The following MFSD12 variants were observed in gnomAD, a reference collection of about 807,000 sequenced individuals.
MFSD12 encodes major facilitator superfamily domain containing 12, also known as major facilitator superfamily domain-containing protein 12.
MFSD12 carries 67 observed loss-of-function variants against 51.2 expected under a neutral mutation model. That is an observed-to-expected ratio of 1.31 (90% CI 1.08 to 1.60). MFSD12 has a LOEUF of 1.60. Ranked by LOEUF, MFSD12 falls within the 40% of genes most tolerant of loss-of-function variation. The pLI is 0.00. For missense variants in MFSD12, 921 were observed against 673.0 expected (o/e 1.37, Z -4.08); for synonymous variants, 441 against 316.7 (o/e 1.39, Z -4.17).
rs137947837 is a variant in MFSD12, at chr19:3,547,205, G to A, written c.1023+67C>T. On this transcript the variant is annotated intron_variant, in intron 6 of 9. Transcript: ENST00000355415. ...AGCATCCGAGGATGGAACCCGGAGC[G>A]GGTGGGATCTCGGCTGCAGGGCACC... 7,543 of 1,376,152 alleles carry A rather than the reference G, an allele frequency of 5.5e-3. 28 individuals are homozygous for A. The highest frequency in any genetic ancestry group is 6.1e-3 in the Non-Finnish European group (5,867 of 966,098). The allele number at this position is 1,376,152 out of a possible 1,614,324, so 85.2% of individuals were successfully genotyped here.
chr19:3,557,113 G>A lies in MFSD12; in HGVS notation c.291C>T (p.His97=). The change falls in exon 1 of 10, where the codon CAC becomes CAT. Residue 97 remains histidine, a synonymous_variant. Transcript: ENST00000355415. ...CARYGPRKAW[H]LVGTVCVLLS... is the part of the protein sequence containing the mutation. ...CGGGGCCGGGACGCTTACCGACCAGGTGCCAGGCCTTGCGCGGGCCGTAGC... is the reference window on the plus strand; with the variant it reads ...CGGGGCCGGGACGCTTACCGACCAGATGCCAGGCCTTGCGCGGGCCGTAGC... 2 of 1,489,748 alleles carry A rather than the reference G, an allele frequency of 1.3e-6. No individual in the cohort carries two copies. Among genetic ancestry groups the A allele is most frequent in the Non-Finnish European group, 1.8e-6 (2 of 1,124,706 alleles). The allele number at this position is 1,489,748 out of a possible 1,614,324, so 92.3% of individuals were successfully genotyped here.
chr19:3,540,089 C>CTTTTTTTTTTTTTTT (rs770199097), downstream of MFSD12: 15 of 88,188 alleles, frequency 1.7e-4, no homozygotes, highest in African/African-American at 5.8e-4. Context: ...CATCTCTTTT[C>CTTTTTTTTTTTTTTT]TTTTTTTTTT....
chr19:3,555,942 G>A (rs1162738310), intron 1 of MFSD12, among the ~76,000 whole-genome samples: 2 of 152,182 alleles, frequency 1.3e-5, no homozygotes, highest in Admixed American at 6.5e-5. Context: ...CAGTCTTATC[G>A]ATGGGCACTG....
intron 4 of MFSD12, 71 bp downstream of exon 4, chr19:3,547,777 T>G: frequency 6.9e-7 from 1 of 1,439,756 alleles, no homozygotes; most frequent in South Asian, 1.5e-5. Context: ...TGGACGCAGC[T>G]GCCCCACAGA....
chr19:3,542,937 G>T (rs1568249416), downstream of MFSD12: 1 of 1,479,406 alleles, frequency 6.8e-7, no homozygotes, highest in Non-Finnish European at 9.1e-7. Flanking sequence ...AGTAGCCAGG[G>T]CCCTTGTCCT....
chr19:3,555,150 TGTGTCTGGA>T (rs1963901148), intron 1 of MFSD12, among the ~76,000 whole-genome samples: 1 of 152,202 alleles, frequency 6.6e-6, no homozygotes, highest in Admixed American at 6.5e-5. Context: ...AGACTCTCGC[TGTGTCTGGA>T]GTGCAGTGGC....
Position 3,548,220 on chromosome 19 carries a change from C to T in MFSD12, c.557G>A (p.Trp186Ter). 6.4e-7 allele frequency: 1 copy of T among 1,556,220 alleles called. No individual in the cohort carries two copies. The highest frequency in any genetic ancestry group is 8.7e-7 in the Non-Finnish European group (1 of 1,151,022). Residue 186 changes from tryptophan to a stop codon, truncating the protein, a stop_gained, in exon 3 of 10, where the codon TGG becomes TAG. Transcript: ENST00000355415. LOFTEE classifies it high-confidence loss of function. ...CGAGCCCTGCAGGTGCAGCAGGAGC[C>T]AGGCGGCGCCGTAGACGGTGATGTT... ...VANITVYGAA[W>*]LLLHLQGSSR...
chr19:3,553,371 G>A (rs2145217662), intron 1 of MFSD12, among the ~76,000 whole-genome samples: 1 of 151,990 alleles, frequency 6.6e-6, no homozygotes, highest in Non-Finnish European at 1.5e-5. Flanking sequence ...ACTTTGGGAG[G>A]CTGAGGTGGG....
Position 3,544,588 on chromosome 19 carries a change from AGGATGGAGGGTGG to A in MFSD12, c.*109_*121del. The A allele has an allele frequency of 6.8e-7, 1 of 1,470,160 alleles. No homozygotes were observed. Among genetic ancestry groups the A allele is most frequent in the East Asian group, 2.4e-5 (1 of 42,200 alleles). 91.1% of individuals were successfully genotyped at this position (1,470,160 alleles called of 1,614,324 possible). The stretch of plus-strand genomic sequence containing the variant: ...CGACCCCACCCCCGGGAGCTGGGTG[AGGATGGAGGGTGG>A]GGGTCCAGAGAAGAGTGAGGGGCAG... On this transcript the variant is annotated 3_prime_UTR_variant, in exon 10 of 10. Transcript: ENST00000355415.
At chr19:3,552,467 CTTTTTTTTT>C (rs397859575) in intron 1 of MFSD12, among the ~76,000 whole-genome samples, 1,941 of 65,396 alleles carry the variant, frequency 0.03, 62 homozygotes, top group African/African-American at 0.11. Context: ...CGCGCCCCGC[CTTTTTTTTT>C]TTTTTTTTTT....
chr19:3,539,097 G>A (rs2030134572), intron 4 of MFSD12: 11 of 898,220 alleles, frequency 1.2e-5, no homozygotes, highest in Non-Finnish European at 1.9e-5. Flanking sequence ...CAGCGTGGTT[G>A]CCGAGACACT....
intron 6 of MFSD12, 66 bp downstream of exon 6, chr19:3,547,206 G>C: frequency 7.2e-7 from 1 of 1,395,686 alleles, no homozygotes; most frequent in East Asian, 2.3e-5. Context: ...ACCCGGAGCG[G>C]GTGGGATCTC....
At chr19:3,548,486 T>C (rs2031261616) in intron 2 of MFSD12, among the ~76,000 whole-genome samples, 1 of 152,156 alleles carries the variant, frequency 6.6e-6, no homozygotes, top group African/African-American at 2.4e-5. Context: ...AGCTCCACCC[T>C]TCGTGCCCAG....
chr19:3,543,578 A>G (rs1467977105), downstream of MFSD12: 10 of 1,539,296 alleles, frequency 6.5e-6, no homozygotes, highest in Non-Finnish European at 7.9e-6. Flanking sequence ...CCTGCGGGAG[A>G]CCGCCTGGCA....
chr19:3,546,645 C>CT (rs1455128406), intron 6 of MFSD12, among the ~76,000 whole-genome samples: 1 of 152,270 alleles, frequency 6.6e-6, no homozygotes, highest in Non-Finnish European at 1.5e-5. Flanking sequence ...AGACGTGTGG[C>CT]TATTCTGCCT....
downstream of MFSD12, chr19:3,542,162 A>G (rs1281814352): frequency 1.0e-6 from 1 of 985,260 alleles, no homozygotes; most frequent in Non-Finnish European, 1.2e-6. Flanking sequence ...CTTGCAATTC[A>G]TTTCAAAAGG....
Position 3,557,221 on chromosome 19 carries a change from C to CAGA in MFSD12, c.182_183insTCT (p.Leu64dup), listed in dbSNP as rs1303656691. On this transcript the variant is annotated inframe_insertion, in exon 1 of 10. Transcript: ENST00000355415. ...CGTCGGCCACCTGGCCCAGCAGCAGCAGCAGCCCCGCGCCGCGGGAGCTGT... is the reference window on the plus strand; with the variant it reads ...CGTCGGCCACCTGGCCCAGCAGCAGCAGAAGCAGCCCCGCGCCGCGGGAGCTGT... 13 of 1,586,546 alleles carry CAGA rather than the reference C, an allele frequency of 8.2e-6. No homozygotes were observed. The highest frequency in any genetic ancestry group is 1.0e-5 in the Non-Finnish European group (12 of 1,168,820).
rs200371465 is a variant in MFSD12 at position 3,544,814 on chromosome 19, C to T, written c.1415G>A (p.Arg472Gln). ...AGGGGTGGGCCAGGACTCACAGCGT[C>T]GCAGGCGGGTCGGCCACAGCAGGAG... is the stretch of plus-strand genomic sequence containing the variant. Reference protein sequence around the residue: ...CSLLLWPTRLRRWDRDARP With the variant: ...CSLLLWPTRLQRWDRDARP Residue 472 changes from arginine (R) to glutamine (Q), a missense_variant, in exon 9 of 10, where the codon CGA (arginine) becomes CAA (glutamine). Transcript: ENST00000355415. 5.6e-3 allele frequency: 9,023 copies of T among 1,612,212 alleles called. 28 individuals are homozygous for T. Among genetic ancestry groups the T allele is most frequent in the Non-Finnish European group, 7.1e-3 (8,315 of 1,179,320 alleles).
chr19:3,543,629 C>G, downstream of MFSD12: 1 of 1,544,394 alleles, frequency 6.5e-7, no homozygotes, highest in Non-Finnish European at 8.7e-7. Flanking sequence ...CCCCAGCACC[C>G]GGTGGGGGAG....
Sources: gnomAD v4.1 joint callset for allele counts (sites outside exome capture counted in the v4.1 genomes callset) on GRCh38, gnomAD v4.1.1 for gene constraint, MANE v1.5 for transcripts, NCBI Gene and HGNC (gene_info 2026-07-23, HGNC 2026-07-21) for gene names.